CHRM3: variants seen among roughly 807,000 people sequenced by gnomAD.
CHRM3 encodes cholinergic receptor muscarinic 3, also known as muscarinic acetylcholine receptor M3.
CHRM3 carries 11 observed loss-of-function variants against 41.8 expected under a neutral mutation model. That is an observed-to-expected ratio of 0.26 (90% CI 0.17 to 0.44). The LOEUF (loss-of-function observed/expected upper bound fraction) is 0.44, where lower values mean the gene tolerates loss of function less well. Among genes scored for constraint, CHRM3 ranks in the 20% least tolerant of loss-of-function variants. The probability of loss-of-function intolerance (pLI) is 1.00; values close to 1 mark genes in which losing one functional copy is unlikely to be tolerated. For missense variants in CHRM3, 571 were observed against 745.4 expected (o/e 0.77, Z 2.72); for synonymous variants, 297 against 301.4 (o/e 0.99, Z 0.15).
rs1023174135 is a variant in CHRM3 at position 239,531,311 on chromosome 1, G to T, written c.-421-14330G>T. On this transcript the variant is annotated intron_variant, in intron 2 of 6. Coordinates refer to ENST00000676153, the MANE Select transcript of CHRM3 (RefSeq NM_001375978.1). ...ATATTAGCATAAAGATGGATACATA[G>T]ATCAATAGAACATAATTGAGAGTCT... 3.9e-5 allele frequency among the ~76,000 whole-genome samples: 6 copies of T among 152,210 alleles called. No individual in the cohort carries two copies. The East Asian group carries it at 7.7e-4, about 20-fold the overall frequency.
chr1:239,586,476 A>G (rs553082214), intron 3 of CHRM3, among the ~76,000 whole-genome samples: 2 of 152,302 alleles, frequency 1.3e-5, no homozygotes, highest in South Asian at 4.1e-4. Context: ...ACAGACAAAA[A>G]TAAAATTTTA....
intron 4 of CHRM3, among the ~76,000 whole-genome samples, chr1:239,635,717 G>A (rs939504885): frequency 2.6e-5 from 4 of 152,138 alleles, no homozygotes; most frequent in Non-Finnish European, 5.9e-5. Context: ...ATATTTTGTC[G>A]TTTATCTCCC....
intron 6 of CHRM3, among the ~76,000 whole-genome samples, chr1:239,845,157 T>C (rs1353311224): frequency 6.6e-6 from 1 of 152,138 alleles, no homozygotes; most frequent in Non-Finnish European, 1.5e-5. Context: ...AGTTACACAA[T>C]GCATATGAAA....
chr1:239,470,113 G>A (rs977235016), intron 1 of CHRM3, among the ~76,000 whole-genome samples: 1 of 152,090 alleles, frequency 6.6e-6, no homozygotes. Context: ...GATTTAGGAT[G>A]GGACCTTAAA....
In CHRM3 at chr1:239,853,005, T is replaced by C. The variant is rs531635157; in HGVS notation, c.-20+25627T>C. On this transcript the variant is annotated intron_variant, in intron 6 of 6. Transcript: ENST00000676153. ...TATACTTGGCGTTTGTTTTTCTGTG[T>C]TCAAATGAATTTATTTTACCCTTAT... Among the ~76,000 whole-genome samples the C allele has an allele frequency of 1.9e-3, 294 of 152,164 alleles. 1 individual carries two copies. Among genetic ancestry groups the C allele is most frequent in the South Asian group, 4.8e-3 (23 of 4,828 alleles).
chr1:239,629,834 TTTC>T (rs1175342243), intron 3 of CHRM3, among the ~76,000 whole-genome samples: 1 of 152,180 alleles, frequency 6.6e-6, no homozygotes, highest in Non-Finnish European at 1.5e-5. Flanking sequence ...CTAGTTTTGT[TTTC>T]TTCTTTATTT....
At chr1:239,702,720 C>T (rs757515342) in intron 5 of CHRM3, among the ~76,000 whole-genome samples, 1 of 152,224 alleles carries the variant, frequency 6.6e-6, no homozygotes, top group Non-Finnish European at 1.5e-5. Flanking sequence ...AAGTGAGTCT[C>T]ATGCCTCAGC....
At chr1:239,394,112 A>C in intron 1 of CHRM3, among the ~76,000 whole-genome samples, 1 of 152,226 alleles carries the variant, frequency 6.6e-6, no homozygotes, top group East Asian at 1.9e-4. Context: ...TGTGAGTGTA[A>C]CTAAACAAAT....
At chr1:239,443,971 T>C (rs1393462360) in intron 1 of CHRM3, among the ~76,000 whole-genome samples, 2 of 152,238 alleles carry the variant, frequency 1.3e-5, no homozygotes, top group Non-Finnish European at 2.9e-5. Flanking sequence ...AAAATCCATC[T>C]ATATTTATTG....
intron 1 of CHRM3, among the ~76,000 whole-genome samples, chr1:239,435,252 C>T (rs972669524): frequency 5.3e-5 from 8 of 152,036 alleles, no homozygotes; most frequent in African/African-American, 1.9e-4. Context: ...GAGTTTGAGA[C>T]CAGCCTGGCC....
chr1:239,762,318 T>C (rs950345209), intron 5 of CHRM3, among the ~76,000 whole-genome samples: 1 of 152,214 alleles, frequency 6.6e-6, no homozygotes, highest in African/African-American at 2.4e-5. Flanking sequence ...CATCATTATA[T>C]AACATCTGTG....
In CHRM3 at chr1:239,913,183, G is replaced by C. The variant is rs1680457911; in HGVS notation, c.*3959G>C. On this transcript the variant is annotated 3_prime_UTR_variant, in exon 7 of 7. Coordinates refer to ENST00000676153, the MANE Select transcript of CHRM3 (RefSeq NM_001375978.1). ...GGTAACCAAGGAAGCTTTGAAATTT[G>C]TTGGCAAACCCGGAGTAGTATGGTT... 6.0e-6 allele frequency: 1 copy of C among 167,042 alleles called. No homozygotes were observed. The highest frequency in any genetic ancestry group is 2.4e-5 in the African/African-American group (1 of 41,450). 10.3% of individuals were successfully genotyped at this position (167,042 alleles called of 1,614,324 possible). A position where few individuals can be genotyped will look rare whatever the true frequency, so the allele number is the denominator to read the frequency against.
chr1:239,889,911 G>A (rs60637683), intron 6 of CHRM3, among the ~76,000 whole-genome samples: 2,511 of 152,290 alleles, frequency 0.016, 77 homozygotes, highest in African/African-American at 0.058. Context: ...ATCTGTCACA[G>A]AGTAAAGAGG....
intron 4 of CHRM3, among the ~76,000 whole-genome samples, chr1:239,669,428 T>G (rs1385486390): frequency 1.3e-5 from 2 of 152,158 alleles, no homozygotes; most frequent in Non-Finnish European, 2.9e-5. Context: ...TCTGCAGGCC[T>G]GGCATTACTG....
At chr1:239,413,250 A>C (rs1661246722) in intron 1 of CHRM3, among the ~76,000 whole-genome samples, 1 of 152,128 alleles carries the variant, frequency 6.6e-6, no homozygotes, top group South Asian at 2.1e-4. Flanking sequence ...GTGGGAAGTG[A>C]ATCATAATCT....
At chr1:239,391,523 G>A (rs534683046) in intron 1 of CHRM3, among the ~76,000 whole-genome samples, 57 of 152,194 alleles carry the variant, frequency 3.7e-4, no homozygotes, top group Admixed American at 1.5e-3. Flanking sequence ...TTAGGCTGGC[G>A]ATCTGCATTC....
At chr1:239,686,771 A>T (rs1405638149) in intron 5 of CHRM3, among the ~76,000 whole-genome samples, 1 of 152,170 alleles carries the variant, frequency 6.6e-6, no homozygotes, top group Non-Finnish European at 1.5e-5. Flanking sequence ...ACAGCTAGGG[A>T]AATTATGCAA....
At chr1:239,702,298 A>C (rs1660756733) in intron 5 of CHRM3, among the ~76,000 whole-genome samples, 1 of 152,130 alleles carries the variant, frequency 6.6e-6, no homozygotes, top group South Asian at 2.1e-4. Context: ...AGAGCTGCCT[A>C]CTTGCCCCCA....
intron 4 of CHRM3, among the ~76,000 whole-genome samples, chr1:239,651,581 A>G (rs1437970461): frequency 6.6e-6 from 1 of 152,128 alleles, no homozygotes; most frequent in Admixed American, 6.5e-5. Flanking sequence ...GCCAGCCCCT[A>G]GAGTTGAACT....
Sources: gnomAD v4.1 joint callset for allele counts (sites outside exome capture counted in the v4.1 genomes callset) on GRCh38, gnomAD v4.1.1 for gene constraint, MANE v1.5 for transcripts, NCBI Gene and HGNC (gene_info 2026-07-23, HGNC 2026-07-21) for gene names.